Variants in MBD5 observed in about 807,000 individuals in gnomAD.
The protein encoded by MBD5 is methyl-CpG binding domain protein 5.
In MBD5, 13 loss-of-function variants were observed where a neutral mutation model predicts 117.3. That is an observed-to-expected ratio of 0.11 (90% CI 0.07 to 0.18). MBD5 has a LOEUF of 0.18. Ranked by LOEUF, MBD5 falls within the 10% of genes least tolerant of loss-of-function variation. The pLI, the probability that MBD5 is intolerant of heterozygous loss-of-function variation, is 1.00. For synonymous variants in MBD5, 727 were observed against 766.4 expected (o/e 0.95, Z 0.85); for missense variants, 1,879 against 2,093.8 (o/e 0.90, Z 2.00).
At position 148,204,835 on chromosome 2, in the gene MBD5, TATAA is replaced by T. The variant is rs144786902; in HGVS notation, c.-831+26048_-831+26051del. On this transcript the variant is annotated intron_variant, in intron 2 of 13. Coordinates refer to ENST00000642680, the MANE Select transcript of MBD5 (RefSeq NM_001378120.1). Reference sequence around the variant, plus strand: ...AGAAAATGAGCTACTGCCAATCAGATATAAATAAACAGGAAAATTATCATAGAAG... The same window carrying T: ...AGAAAATGAGCTACTGCCAATCAGATATAAACAGGAAAATTATCATAGAAG... 4.5e-3 allele frequency among the ~76,000 whole-genome samples: 681 copies of T among 152,246 alleles called. 7 individuals carry two copies. Among genetic ancestry groups the T allele is most frequent in the African/African-American group, 0.016 (660 of 41,534 alleles).
chr2:148,229,306 C>G (rs1256001748), intron 2 of MBD5, among the ~76,000 whole-genome samples: 1 of 152,004 alleles, frequency 6.6e-6, no homozygotes, highest in Non-Finnish European at 1.5e-5. Context: ...ATGGCAGTTG[C>G]ATTTTTCAGC....
chr2:148,358,102 C>G (rs1431567838), intron 4 of MBD5, among the ~76,000 whole-genome samples: 1 of 152,092 alleles, frequency 6.6e-6, no homozygotes, highest in Non-Finnish European at 1.5e-5. Flanking sequence ...TGTGGTGTTA[C>G]TTATTTTTTA....
chr2:148,223,351 A>T (rs945978808), intron 2 of MBD5, among the ~76,000 whole-genome samples: 1 of 151,792 alleles, frequency 6.6e-6, no homozygotes, highest in Non-Finnish European at 1.5e-5. Context: ...TTCATTTTTT[A>T]AATATTTGGT....
intron 4 of MBD5, among the ~76,000 whole-genome samples, chr2:148,375,534 A>T (rs1252598522): frequency 1.3e-5 from 2 of 152,174 alleles, no homozygotes; most frequent in Non-Finnish European, 2.9e-5. Context: ...GTTTGCTTCC[A>T]ATTTCAAATC....
intron 1 of MBD5, among the ~76,000 whole-genome samples, chr2:148,037,625 T>C (rs1694230259): frequency 6.6e-6 from 1 of 151,876 alleles, no homozygotes; most frequent in South Asian, 2.1e-4. Context: ...TAAGCAGAAA[T>C]TTTTCTCAAA....
chr2:148,179,085 T>G (rs967881619), intron 2 of MBD5, among the ~76,000 whole-genome samples: 1 of 152,178 alleles, frequency 6.6e-6, no homozygotes, highest in African/African-American at 2.4e-5. Context: ...CCGGGCGCGG[T>G]GGCTCACGCC....
chr2:148,322,989 T>C, intron 3 of MBD5, among the ~76,000 whole-genome samples: 6 of 132,960 alleles, frequency 4.5e-5, no homozygotes, highest in South Asian at 2.7e-4. Context: ...ATGCTATCCC[T>C]CCCCACTCCC....
At chr2:148,331,246 A>G (rs1237500943) in intron 3 of MBD5, among the ~76,000 whole-genome samples, 1 of 152,170 alleles carries the variant, frequency 6.6e-6, no homozygotes, top group Non-Finnish European at 1.5e-5. Context: ...ATGCTTTTTT[A>G]AATTTATCAA....
intron 2 of MBD5, among the ~76,000 whole-genome samples, chr2:148,203,151 A>G (rs1234829123): frequency 6.6e-6 from 1 of 151,676 alleles, no homozygotes; most frequent in Non-Finnish European, 1.5e-5. Context: ...TTAATTTTTT[A>G]CCATAACAAT....
intron 8 of MBD5, among the ~76,000 whole-genome samples, chr2:148,473,427 G>C (rs1680860455): frequency 6.6e-6 from 1 of 152,028 alleles, no homozygotes; most frequent in Non-Finnish European, 1.5e-5. Context: ...AAAACCAACA[G>C]GTAACATGGT....
intron 4 of MBD5, among the ~76,000 whole-genome samples, chr2:148,369,374 T>A (rs903326519): frequency 2.6e-5 from 4 of 152,282 alleles, no homozygotes; most frequent in Non-Finnish European, 5.9e-5. Context: ...GTATGTAGAT[T>A]AGATACATTA....
intron 3 of MBD5, among the ~76,000 whole-genome samples, chr2:148,239,980 G>A (rs952052923): frequency 3.3e-5 from 5 of 152,068 alleles, no homozygotes; most frequent in African/African-American, 9.6e-5. Context: ...TGTTTATTGC[G>A]GCACTATTCA....
chr2:148,464,892 C>A (rs1212370281), intron 7 of MBD5, among the ~76,000 whole-genome samples: 1 of 150,786 alleles, frequency 6.6e-6, no homozygotes. Context: ...ATCTCTTGAA[C>A]CCAGAAGTTG....
At chr2:148,207,817 A>G (rs1190579368) in intron 2 of MBD5, among the ~76,000 whole-genome samples, 1 of 152,222 alleles carries the variant, frequency 6.6e-6, no homozygotes. Context: ...ATATGGCATG[A>G]CATTAATATA....
At chr2:148,085,957 A>G (rs1482366141) in intron 1 of MBD5, among the ~76,000 whole-genome samples, 3 of 152,134 alleles carry the variant, frequency 2.0e-5, no homozygotes, top group Admixed American at 1.3e-4. Flanking sequence ...CCTGACTTGA[A>G]CTAAACTCTT....
chr2:148,452,193 A>G (rs1019436757), intron 4 of MBD5, among the ~76,000 whole-genome samples: 1 of 152,154 alleles, frequency 6.6e-6, no homozygotes, highest in Admixed American at 6.6e-5. Flanking sequence ...TTTTGAGTAT[A>G]ACTTTAAAAA....
intron 4 of MBD5, among the ~76,000 whole-genome samples, chr2:148,355,704 C>T (rs1703364655): frequency 6.6e-6 from 1 of 152,098 alleles, no homozygotes; most frequent in African/African-American, 2.4e-5. Context: ...AGTTTGAAGT[C>T]CAGTAGTGTG....
At chr2:148,244,580 G>A (rs1011351698) in intron 3 of MBD5, among the ~76,000 whole-genome samples, 4 of 152,236 alleles carry the variant, frequency 2.6e-5, no homozygotes, top group African/African-American at 7.2e-5. Flanking sequence ...ACTCAAATAA[G>A]TGCTTAGGAA....
chr2:148,160,949 G>A (rs1027292417), intron 1 of MBD5, among the ~76,000 whole-genome samples: 1 of 152,104 alleles, frequency 6.6e-6, no homozygotes, highest in Non-Finnish European at 1.5e-5. Context: ...CGTAGTAGGA[G>A]TTCAAAATAT....
Sources: allele counts gnomAD v4.1 joint callset (sites outside exome capture counted in the v4.1 genomes callset), GRCh38; gene constraint gnomAD v4.1.1; transcripts MANE v1.5; gene names NCBI Gene and HGNC (gene_info 2026-07-23, HGNC 2026-07-21).